The following LINGO1 variants were observed in gnomAD, a reference collection of about 807,000 sequenced individuals.
The protein encoded by LINGO1 is leucine-rich repeat and immunoglobulin-like domain-containing nogo receptor-interacting protein 1.
Under a neutral mutation model 37.3 loss-of-function variants are expected in LINGO1, and 11 were observed. The observed-to-expected ratio is 0.29, with a 90% CI of 0.19 to 0.49. The LOEUF is 0.49. Among genes scored for constraint, LINGO1 ranks in the 20% least tolerant of loss-of-function variants. The pLI, the probability that LINGO1 is intolerant of heterozygous loss-of-function variation, is 0.99. For synonymous variants in LINGO1, 387 were observed against 403.0 expected (o/e 0.96, Z 0.48); for missense variants, 585 against 878.2 (o/e 0.67, Z 4.22).
intron 3 of LINGO1, among the ~76,000 whole-genome samples, chr15:77,664,536 G>A (rs1025885469): frequency 1.3e-5 from 2 of 152,212 alleles, no homozygotes; most frequent in African/African-American, 4.8e-5. Context: ...CCGGTCAGGA[G>A]AGCAGTGTAA....
intron 3 of LINGO1, chr15:77,646,305 C>T (rs1050926260): frequency 3.7e-5 from 13 of 353,028 alleles, no homozygotes; most frequent in East Asian, 1.7e-4. Flanking sequence ...GAGCAGTGGG[C>T]GGGGAACCCG....
intron 2 of LINGO1, among the ~76,000 whole-genome samples, chr15:77,681,817 G>T (rs2075418645): frequency 1.3e-5 from 2 of 152,074 alleles, no homozygotes; most frequent in Non-Finnish European, 2.9e-5. Flanking sequence ...CAGGTGAGGG[G>T]TGAGCACCAT....
At chr15:77,804,524 T>C (rs1490568824) in intron 1 of LINGO1, among the ~76,000 whole-genome samples, 1 of 152,056 alleles carries the variant, frequency 6.6e-6, no homozygotes, top group East Asian at 1.9e-4. Context: ...TCAGAGTGAG[T>C]GAGCGACAAC....
intron 2 of LINGO1, among the ~76,000 whole-genome samples, chr15:77,734,773 C>T (rs2076187164): frequency 6.6e-6 from 1 of 152,168 alleles, no homozygotes; most frequent in South Asian, 2.1e-4. Flanking sequence ...AGGGAGCTGC[C>T]TTCCTCCTTT....
At chr15:77,783,138 A>T (rs1325764044) in intron 1 of LINGO1, among the ~76,000 whole-genome samples, 1 of 151,948 alleles carries the variant, frequency 6.6e-6, no homozygotes, top group Non-Finnish European at 1.5e-5. Flanking sequence ...GGAGCTGCTC[A>T]TTCAGCCCCA....
chr15:77,674,726 C>T (rs952074158), intron 3 of LINGO1, among the ~76,000 whole-genome samples: 3 of 151,926 alleles, frequency 2.0e-5, no homozygotes, highest in Admixed American at 6.6e-5. Context: ...CCTTCCATGA[C>T]GACCATGTCC....
At chr15:77,618,053 T>C (rs2073789093) in intron 1 of LINGO1, among the ~76,000 whole-genome samples, 1 of 152,174 alleles carries the variant, frequency 6.6e-6, no homozygotes. Flanking sequence ...GCAAACATCC[T>C]GACAGGCGAT....
chr15:77,740,673 G>C (rs368167954), intron 1 of LINGO1, among the ~76,000 whole-genome samples: 25 of 152,306 alleles, frequency 1.6e-4, no homozygotes, highest in African/African-American at 4.8e-4. Flanking sequence ...GCATCAGGGA[G>C]AGCTTCCTGG....
At chr15:77,778,936 A>T (rs1294744256) in intron 1 of LINGO1, among the ~76,000 whole-genome samples, 3 of 152,112 alleles carry the variant, frequency 2.0e-5, no homozygotes, top group Non-Finnish European at 4.4e-5. Context: ...CTGCTCCTTG[A>T]CAACAATTCC....
chr15:77,775,704 G>T (rs1189919172), intron 1 of LINGO1, among the ~76,000 whole-genome samples: 1 of 152,056 alleles, frequency 6.6e-6, no homozygotes, highest in African/African-American at 2.4e-5. Flanking sequence ...TCCAGCCCAC[G>T]TCCCTCTGTC....
At chr15:77,770,587 CAAAA>C (rs71145861) in intron 1 of LINGO1, among the ~76,000 whole-genome samples, 3 of 79,322 alleles carry the variant, frequency 3.8e-5, no homozygotes, top group African/African-American at 5.3e-5. Context: ...GACTCTGTCT[CAAAA>C]AAAAAAAAAA....
chr15:77,631,612 C>T (rs1426376334), intron 1 of LINGO1, among the ~76,000 whole-genome samples: 2 of 152,116 alleles, frequency 1.3e-5, no homozygotes, highest in Non-Finnish European at 1.5e-5. Context: ...TTACCTCCCT[C>T]TTCTCAGCTG....
At chr15:77,652,769 G>A (rs2141143670) in intron 3 of LINGO1, among the ~76,000 whole-genome samples, 1 of 152,304 alleles carries the variant, frequency 6.6e-6, no homozygotes, top group South Asian at 2.1e-4. Context: ...CACAGTGCGG[G>A]AGGAGGGAAG....
At chr15:77,663,704 G>C (rs2075049395) in intron 3 of LINGO1, among the ~76,000 whole-genome samples, 1 of 152,130 alleles carries the variant, frequency 6.6e-6, no homozygotes, top group Non-Finnish European at 1.5e-5. Context: ...GCGCTTACAC[G>C]CCCCAGTTCC....
intron 1 of LINGO1, among the ~76,000 whole-genome samples, chr15:77,738,613 T>C (rs1232841956): frequency 1.3e-5 from 2 of 152,322 alleles, no homozygotes; most frequent in East Asian, 3.9e-4. Flanking sequence ...GTGGCCTTGT[T>C]TCCTGTCTGC....
Position 77,710,075 on chromosome 15 carries a change from T to C in LINGO1, c.-194-19174A>G, listed in dbSNP as rs527940799. Among the ~76,000 whole-genome samples the C allele has an allele frequency of 2.6e-5, 4 of 152,180 alleles. No individual in the cohort carries two copies. The South Asian group carries it at 8.3e-4, about 32-fold the overall frequency. On this transcript the variant is annotated intron_variant, in intron 2 of 3. Coordinates refer to the LINGO1 transcript ENST00000561686. ...TGGAGGAGGAAGGGAGAAGAGAGGG[T>C]GGCCGAGGGAAGCTGCAGCTCCTAT... is the stretch of plus-strand genomic sequence containing the variant.
rs1303709466 is a variant in LINGO1, at chr15:77,719,857, C to G, written c.-195+15135G>C. The stretch of plus-strand genomic sequence containing the variant: ...GTACTCACACACACACAGACTGGCA[C>G]TTATACACATGTGCATGCATACACA... On this transcript the variant is annotated intron_variant, in intron 2 of 3. Coordinates refer to the LINGO1 transcript ENST00000561686. Among the ~76,000 whole-genome samples, 3 of 142,610 alleles carry G rather than the reference C, an allele frequency of 2.1e-5. No homozygotes were observed. The Admixed American group carries it at 2.3e-4, about 11-fold the overall frequency. 93.6% of individuals were successfully genotyped at this position (142,610 alleles called of 152,430 possible). A position where few individuals can be genotyped will look rare whatever the true frequency, so the allele number is the denominator to read the frequency against.
rs2075957072 is a variant in LINGO1 at position 77,714,299 on chromosome 15, C to T, written c.-195+20693G>A. Among the ~76,000 whole-genome samples, 5 of 151,790 alleles carry T rather than the reference C, an allele frequency of 3.3e-5. No individual in the cohort carries two copies. In the South Asian group the frequency reaches 1.0e-3, roughly 32 times the overall value. ...TTGACCTAGGCCTCCATCATGTCTGCCTCACTCTCTTTCCCTACTTGGCCC... is the reference window on the plus strand; with the variant it reads ...TTGACCTAGGCCTCCATCATGTCTGTCTCACTCTCTTTCCCTACTTGGCCC... On this transcript the variant is annotated intron_variant, in intron 2 of 3. Coordinates refer to the LINGO1 transcript ENST00000561686.
At chr15:77,695,190 C>T (rs986811183) in intron 1 of LINGO1, among the ~76,000 whole-genome samples, 5 of 152,058 alleles carry the variant, frequency 3.3e-5, no homozygotes, top group African/African-American at 7.2e-5. Context: ...AACCCAGGGC[C>T]GACTGATTCC....
Sources: gnomAD v4.1 joint callset for allele counts (sites outside exome capture counted in the v4.1 genomes callset) on GRCh38, gnomAD v4.1.1 for gene constraint, MANE v1.5 for transcripts, NCBI Gene and HGNC (gene_info 2026-07-23, HGNC 2026-07-21) for gene names.